Variants in TENM2 observed in about 807,000 individuals in gnomAD.
TENM2 encodes teneurin-2.
A neutral mutation model predicts 245.2 loss-of-function variants in TENM2; 52 were observed. The ratio of observed to expected loss-of-function variants is 0.21; its 90% CI spans 0.17 to 0.27. TENM2 has a LOEUF of 0.27. Among genes scored for constraint, TENM2 ranks in the 10% least tolerant of loss-of-function variants. The probability of loss-of-function intolerance (pLI) is 1.00; values close to 1 mark genes in which losing one functional copy is unlikely to be tolerated. For synonymous variants in TENM2, 1,363 were observed against 1,438.9 expected (o/e 0.95, Z 1.19); for missense variants, 3,046 against 3,666.8 (o/e 0.83, Z 4.37).
intron 6 of TENM2, among the ~76,000 whole-genome samples, chr5:168,058,067 C>T (rs748131326): frequency 5.9e-5 from 9 of 152,332 alleles, no homozygotes; most frequent in South Asian, 2.1e-4. Context: ...TTACCTAATG[C>T]GCCTCACATG....
chr5:167,919,213 T>C (rs1430758869), intron 3 of TENM2, among the ~76,000 whole-genome samples: 1 of 152,180 alleles, frequency 6.6e-6, no homozygotes, highest in Admixed American at 6.5e-5. Flanking sequence ...CTGTGTCACT[T>C]CTCTTATCTC....
chr5:167,130,021 T>C, the TENM2 span, among the ~76,000 whole-genome samples: 2 of 152,222 alleles, frequency 1.3e-5, no homozygotes, highest in African/African-American at 4.8e-5. Context: ...AGTTGAAATA[T>C]GGGAATAAAG....
chr5:167,180,642 A>G, the TENM2 span, among the ~76,000 whole-genome samples: 2 of 152,152 alleles, frequency 1.3e-5, no homozygotes, highest in South Asian at 4.1e-4. Context: ...TTGACTGGTA[A>G]CATCAGTAGT....
At chr5:167,800,091 G>T (rs1765600118) in intron 2 of TENM2, among the ~76,000 whole-genome samples, 1 of 152,238 alleles carries the variant, frequency 6.6e-6, no homozygotes, top group African/African-American at 2.4e-5. Flanking sequence ...TTGAAAATAT[G>T]AGGATAACAA....
Position 167,429,940 on chromosome 5 carries a change from G to A in TENM2, c.502+54467G>A, listed in dbSNP as rs568386764. Among the ~76,000 whole-genome samples, 9 of 152,208 alleles carry A rather than the reference G, an allele frequency of 5.9e-5. No individual in the cohort carries two copies. In the East Asian group the frequency reaches 1.7e-3, roughly 29 times the overall value. On this transcript the variant is annotated intron_variant, in intron 2 of 28. Coordinates refer to ENST00000518659, the Ensembl canonical transcript of TENM2. ...GCTGAGAGGAGACTTACAAAAAGGA[G>A]ATAGCCACAAGGAAACCTGGGAGAA...
In TENM2 at chr5:167,523,012, G is replaced by A. The variant is rs113730815; in HGVS notation, c.502+147539G>A. On this transcript the variant is annotated intron_variant, in intron 2 of 28. Transcript: ENST00000518659. ...CAATGGCCTCTTCCAGCTTCTGAAGGCTGTTGTCATTCCTTGGCTTGTGGG... is the reference window on the plus strand; with the variant it reads ...CAATGGCCTCTTCCAGCTTCTGAAGACTGTTGTCATTCCTTGGCTTGTGGG... Among the ~76,000 whole-genome samples the A allele has an allele frequency of 1.9e-3, 295 of 152,190 alleles. 3 individuals are homozygous for A. The highest frequency in any genetic ancestry group is 6.9e-3 in the African/African-American group (285 of 41,526).
intron 2 of TENM2, among the ~76,000 whole-genome samples, chr5:167,588,275 T>C (rs1775639700): frequency 6.6e-6 from 1 of 152,200 alleles, no homozygotes; most frequent in Non-Finnish European, 1.5e-5. Flanking sequence ...TGGTTATGGC[T>C]AATAGGCTAA....
At chr5:168,208,672 G>A (rs1330461620) in intron 19 of TENM2, among the ~76,000 whole-genome samples, 2 of 152,218 alleles carry the variant, frequency 1.3e-5, no homozygotes, top group Non-Finnish European at 2.9e-5. Flanking sequence ...GAAAAGTCAT[G>A]AAGCACTCAA....
intron 4 of TENM2, among the ~76,000 whole-genome samples, chr5:167,971,604 G>A (rs942382027): frequency 2.6e-5 from 4 of 152,190 alleles, no homozygotes; most frequent in Non-Finnish European, 2.9e-5. Flanking sequence ...GGGAGGCTGA[G>A]GCAGGAGAAT....
chr5:167,247,185 A>C, the TENM2 span, among the ~76,000 whole-genome samples: 1 of 152,128 alleles, frequency 6.6e-6, no homozygotes, highest in African/African-American at 2.4e-5. Context: ...TGTGCTTTCT[A>C]TAGATGAGAA....
At chr5:167,045,740 G>A in the TENM2 span, among the ~76,000 whole-genome samples, 94,956 of 151,738 alleles carry the variant, frequency 0.63, 31,774 homozygotes, top group African/African-American at 0.88. Context: ...GGCAGAGGAT[G>A]TATTCCAGTG....
rs778633011 is a variant in TENM2, at chr5:167,861,151, C to T, written c.503-14835C>T. Among the ~76,000 whole-genome samples the T allele has an allele frequency of 3.0e-4, 45 of 152,168 alleles. 1 individual carries two copies. The highest frequency in any genetic ancestry group is 6.2e-4 in the South Asian group (3 of 4,814). ...GCTATGTCTATTTCAGGGTGTCTGC[C>T]CACATCTCTCTTTATTTACTCCTTC... On this transcript the variant is annotated intron_variant, in intron 2 of 28. Coordinates refer to ENST00000518659, the Ensembl canonical transcript of TENM2.
At position 168,247,520 on chromosome 5, in the gene TENM2, C is replaced by T; in HGVS notation, c.6581C>T (p.Pro2194Leu). 1.2e-6 allele frequency: 2 copies of T among 1,612,792 alleles called. No homozygotes were observed. The highest frequency in any genetic ancestry group is 1.7e-6 in the Non-Finnish European group (2 of 1,179,006). Reference sequence around the variant, plus strand: ...ATCAAGAGGGAGCTAAAACTGGGGCCCTATGCCAATACCACGAAGTACACC... The same window carrying T: ...ATCAAGAGGGAGCTAAAACTGGGGCTCTATGCCAATACCACGAAGTACACC... The change falls in exon 27 of 29, where the codon CCC (proline) becomes CTC (leucine). Residue 2194 changes from proline (P) to leucine (L), a missense_variant. Pro to Leu is a moderately conservative substitution (Grantham distance 98, BLOSUM62 -3). Transcript: ENST00000518659. This position sits in a 1 kb window ranked among gnomAD's most constrained non-coding sequence, Gnocchi z 7.8.
intron 10 of TENM2, 140 bp from the exon 13 acceptor site, chr5:168,124,710 T>C (rs1035858848): frequency 1.4e-6 from 1 of 732,802 alleles, no homozygotes; most frequent in Admixed American, 2.8e-5. Flanking sequence ...TAAGTATTTC[T>C]TGGGCTACTC....
intron 2 of TENM2, among the ~76,000 whole-genome samples, chr5:167,761,547 A>G (rs984457907): frequency 5.9e-5 from 9 of 152,222 alleles, no homozygotes; most frequent in African/African-American, 2.2e-4. Context: ...AAAATACCAA[A>G]TATTAAAAGG....
chr5:167,128,319 C>T, the TENM2 span, among the ~76,000 whole-genome samples: 3 of 152,186 alleles, frequency 2.0e-5, no homozygotes, highest in Admixed American at 1.3e-4. Context: ...GGTTATTTCT[C>T]ACCATCACCT....
intron 9 of TENM2, among the ~76,000 whole-genome samples, chr5:168,104,003 GGTTTGTTTGTTTGTTTGTTT>G (rs61381928): frequency 6.7e-6 from 1 of 149,886 alleles, no homozygotes; most frequent in Admixed American, 6.7e-5. Flanking sequence ...TTTCTTTTCT[GGTTTGTTTGTTTGTTTGTTT>G]GTTTGTTTGT....
chr5:167,988,327 T>C (rs1418603525), intron 4 of TENM2, among the ~76,000 whole-genome samples: 1 of 152,228 alleles, frequency 6.6e-6, no homozygotes, highest in African/African-American at 2.4e-5. Context: ...CCAGGCTCTA[T>C]TTTAGGTGAC....
chr5:167,822,244 G>T (rs1767592602), intron 2 of TENM2, among the ~76,000 whole-genome samples: 1 of 152,030 alleles, frequency 6.6e-6, no homozygotes, highest in African/African-American at 2.4e-5. Context: ...TGATTATAGA[G>T]GGTTAGCTGA....
Sources: gnomAD v4.1 joint callset for allele counts (sites outside exome capture counted in the v4.1 genomes callset) on GRCh38, gnomAD v4.1.1 for gene constraint, Gnocchi (gnomAD v3.1) non-coding constraint, MANE v1.5 for transcripts, NCBI Gene and HGNC (gene_info 2026-07-23, HGNC 2026-07-21) for gene names.